CNTN4: variants seen among roughly 807,000 people sequenced by gnomAD.
CNTN4 encodes the protein contactin-4.
CNTN4 carries 77 observed loss-of-function variants against 122.5 expected under a neutral mutation model. The ratio of observed to expected loss-of-function variants is 0.63; its 90% CI spans 0.52 to 0.76. The LOEUF is 0.76. Ranked by LOEUF, CNTN4 falls within the 30% of genes least tolerant of loss-of-function variation. The probability of loss-of-function intolerance (pLI) is 0.00; values close to 1 mark genes in which losing one functional copy is unlikely to be tolerated. For missense variants in CNTN4, 1,256 were observed against 1,259.1 expected (o/e 1.00, Z 0.04); for synonymous variants, 512 against 447.0 (o/e 1.15, Z -1.83).
chr3:2,681,902 C>A (rs866015608), intron 4 of CNTN4, among the ~76,000 whole-genome samples: 2 of 152,006 alleles, frequency 1.3e-5, no homozygotes, highest in South Asian at 4.1e-4. Flanking sequence ...AAATGACTTA[C>A]ATTTTGGAAA....
intron 2 of CNTN4, among the ~76,000 whole-genome samples, chr3:2,277,301 A>G (rs934893282): frequency 1.3e-5 from 2 of 152,194 alleles, no homozygotes; most frequent in Non-Finnish European, 2.9e-5. Context: ...AGCCATATTA[A>G]TAATGAGCAA....
At chr3:2,453,019 C>G (rs1021470418) in intron 3 of CNTN4, among the ~76,000 whole-genome samples, 1 of 151,914 alleles carries the variant, frequency 6.6e-6, no homozygotes, top group Non-Finnish European at 1.5e-5. Context: ...TGCAATTATT[C>G]GTAATGTTCA....
intron 3 of CNTN4, among the ~76,000 whole-genome samples, chr3:2,483,557 G>A (rs2076065270): frequency 6.6e-6 from 1 of 152,184 alleles, no homozygotes; most frequent in South Asian, 2.1e-4. Flanking sequence ...TTCATCTTGA[G>A]TTGTAATCCC....
chr3:2,371,945 T>C (rs2045647528), intron 3 of CNTN4, among the ~76,000 whole-genome samples: 1 of 152,228 alleles, frequency 6.6e-6, no homozygotes, highest in Non-Finnish European at 1.5e-5. Context: ...AGTATACAAA[T>C]ATATTTTCAG....
At chr3:2,802,727 C>A (rs1480337173) in intron 6 of CNTN4, among the ~76,000 whole-genome samples, 2 of 152,116 alleles carry the variant, frequency 1.3e-5, no homozygotes, top group Non-Finnish European at 2.9e-5. Flanking sequence ...GGCAACTTTG[C>A]AGAGAACATA....
At chr3:2,723,462 C>T (rs1004243089) in intron 4 of CNTN4, among the ~76,000 whole-genome samples, 7 of 152,100 alleles carry the variant, frequency 4.6e-5, no homozygotes, top group South Asian at 2.1e-4. Context: ...ATCAAAGTAC[C>T]GGCAGGTTTG....
intron 2 of CNTN4, among the ~76,000 whole-genome samples, chr3:2,288,529 G>A (rs1197186352): frequency 1.3e-5 from 2 of 151,986 alleles, no homozygotes; most frequent in Non-Finnish European, 2.9e-5. Flanking sequence ...ATTGAGGATC[G>A]GATTCAACAT....
chr3:2,595,140 C>T (rs188548889), intron 4 of CNTN4, among the ~76,000 whole-genome samples: 66 of 152,278 alleles, frequency 4.3e-4, no homozygotes, highest in Non-Finnish European at 7.5e-4. Flanking sequence ...CTTAAGGTTC[C>T]ATTGACATGC....
intron 4 of CNTN4, among the ~76,000 whole-genome samples, chr3:2,650,969 T>C (rs572796883): frequency 6.6e-6 from 1 of 152,270 alleles, no homozygotes; most frequent in East Asian, 1.9e-4. Flanking sequence ...AGGCTGGAGG[T>C]ATCTTAAAGA....
chr3:2,402,842 G>A (rs959048560), intron 3 of CNTN4, among the ~76,000 whole-genome samples: 22 of 152,206 alleles, frequency 1.4e-4, no homozygotes, highest in Non-Finnish European at 2.4e-4. Flanking sequence ...AGTTCTTTAA[G>A]CAGGTTATAC....
chr3:2,898,746 C>G (rs543124530), intron 10 of CNTN4, among the ~76,000 whole-genome samples: 11 of 152,274 alleles, frequency 7.2e-5, no homozygotes, highest in Admixed American at 7.2e-4. Flanking sequence ...CACTCTCTTT[C>G]AAAAGTTTGG....
intron 2 of CNTN4, among the ~76,000 whole-genome samples, chr3:2,199,187 A>G (rs1357337095): frequency 6.6e-6 from 1 of 152,176 alleles, no homozygotes; most frequent in Non-Finnish European, 1.5e-5. Context: ...TGAAATACAT[A>G]TTGAACTATG....
chr3:2,305,198 C>A (rs992549134), intron 2 of CNTN4, among the ~76,000 whole-genome samples: 1 of 152,078 alleles, frequency 6.6e-6, no homozygotes, highest in Non-Finnish European at 1.5e-5. Flanking sequence ...ATTTCTGATT[C>A]TACTCTGGCC....
chr3:2,821,280 T>C (rs2675312), intron 7 of CNTN4, among the ~76,000 whole-genome samples: 135,495 of 152,116 alleles, frequency 0.89, 60,401 homozygotes, highest in East Asian at 0.95. Flanking sequence ...TTCAAAGATA[T>C]ACAATCTAAA....
chr3:2,633,078 T>C (rs1426799842), intron 4 of CNTN4, among the ~76,000 whole-genome samples: 20 of 151,658 alleles, frequency 1.3e-4, no homozygotes, highest in Admixed American at 1.3e-3. Context: ...TCGCTTCAAG[T>C]TGATTTTTAT....
At chr3:2,613,247 C>T (rs1276620798) in intron 4 of CNTN4, among the ~76,000 whole-genome samples, 1 of 152,018 alleles carries the variant, frequency 6.6e-6, no homozygotes, top group East Asian at 1.9e-4. Flanking sequence ...ACACCTTTTC[C>T]TAAAGTCTCC....
chr3:2,612,256 G>T (rs770552752), intron 4 of CNTN4, among the ~76,000 whole-genome samples: 1 of 151,886 alleles, frequency 6.6e-6, no homozygotes, highest in African/African-American at 2.4e-5. Context: ...ACCAAATGTC[G>T]CAGCTTAGCC....
intron 23 of CNTN4, among the ~76,000 whole-genome samples, chr3:3,053,438 C>T (rs1293280521): frequency 6.6e-6 from 1 of 152,174 alleles, no homozygotes; most frequent in Admixed American, 6.5e-5. Flanking sequence ...GCCTGTGATC[C>T]CACAGTGGCC....
intron 13 of CNTN4, among the ~76,000 whole-genome samples, chr3:2,970,346 C>T (rs1692779574): frequency 6.6e-6 from 1 of 152,186 alleles, no homozygotes; most frequent in Non-Finnish European, 1.5e-5. Context: ...ATCTTACTGC[C>T]TCAGCTTCCC....
Sources: gnomAD v4.1 joint callset for allele counts (sites outside exome capture counted in the v4.1 genomes callset) on GRCh38, gnomAD v4.1.1 for gene constraint, MANE v1.5 for transcripts, NCBI Gene and HGNC (gene_info 2026-07-23, HGNC 2026-07-21) for gene names.